NOS1AP: variants seen among roughly 807,000 people sequenced by gnomAD.
The protein encoded by NOS1AP is carboxyl-terminal PDZ ligand of neuronal nitric oxide synthase protein.
A neutral mutation model predicts 56.2 loss-of-function variants in NOS1AP; 21 were observed. That is an observed-to-expected ratio of 0.37 (90% CI 0.26 to 0.54). The LOEUF is 0.54. Ranked by LOEUF, NOS1AP falls within the 20% of genes least tolerant of loss-of-function variation. NOS1AP has a pLI of 0.84. For missense variants in NOS1AP, 522 were observed against 657.8 expected (o/e 0.79, Z 2.26); for synonymous variants, 270 against 274.6 (o/e 0.98, Z 0.17).
chr1:162,128,766 ATC>A (rs66607755), intron 1 of NOS1AP, among the ~76,000 whole-genome samples: 14,908 of 152,196 alleles, frequency 0.098, 930 homozygotes, highest in South Asian at 0.24. Flanking sequence ...GGAAAAAAAA[ATC>A]TGTTTCACAT....
chr1:162,224,608 G>A (rs1281798336), intron 2 of NOS1AP, among the ~76,000 whole-genome samples: 2 of 152,178 alleles, frequency 1.3e-5, no homozygotes, highest in Admixed American at 6.5e-5. Context: ...CTGATGGAAA[G>A]CTTTACTTTA....
chr1:162,128,455 CA>C (rs1648586835), intron 1 of NOS1AP, among the ~76,000 whole-genome samples: 1 of 152,112 alleles, frequency 6.6e-6, no homozygotes, highest in Non-Finnish European at 1.5e-5. Flanking sequence ...ATTCTAATCA[CA>C]AAGTATTCAT....
intron 1 of NOS1AP, among the ~76,000 whole-genome samples, chr1:162,108,559 A>C (rs377067817): frequency 6.6e-6 from 1 of 152,232 alleles, no homozygotes; most frequent in Non-Finnish European, 1.5e-5. Context: ...AAAAGTAGCT[A>C]CAGGAGAGAT....
At chr1:162,235,788 T>C (rs1653272119) in intron 2 of NOS1AP, among the ~76,000 whole-genome samples, 1 of 152,234 alleles carries the variant, frequency 6.6e-6, no homozygotes, top group South Asian at 2.1e-4. Context: ...CAAGGAGCAC[T>C]TGCCTGACTC....
chr1:162,241,121 A>T (rs1365923380), intron 2 of NOS1AP, among the ~76,000 whole-genome samples: 1 of 152,098 alleles, frequency 6.6e-6, no homozygotes, highest in African/African-American at 2.4e-5. Flanking sequence ...AAAGGCACCT[A>T]CTCTGGATTT....
chr1:162,314,891 C>T (rs1656181287), intron 4 of NOS1AP, among the ~76,000 whole-genome samples: 1 of 152,182 alleles, frequency 6.6e-6, no homozygotes, highest in South Asian at 2.1e-4. Flanking sequence ...GGCTCTTCTA[C>T]TGCTCAAGTA....
intron 1 of NOS1AP, among the ~76,000 whole-genome samples, chr1:162,126,272 T>C (rs1321230391): frequency 6.6e-6 from 1 of 152,192 alleles, no homozygotes; most frequent in Admixed American, 6.5e-5. Flanking sequence ...CCTTTATTTC[T>C]TTCTCTTGCC....
At chr1:162,222,870 A>G (rs1652826586) in intron 2 of NOS1AP, among the ~76,000 whole-genome samples, 1 of 152,240 alleles carries the variant, frequency 6.6e-6, no homozygotes, top group African/African-American at 2.4e-5. Context: ...GGGTGAGGTT[A>G]AGATCACGTG....
chr1:162,355,539 G>A (rs1047786755), intron 7 of NOS1AP, among the ~76,000 whole-genome samples, 186 bp downstream of exon 7: 4 of 152,308 alleles, frequency 2.6e-5, no homozygotes, highest in Admixed American at 2.0e-4. Context: ...AGATGCTGCT[G>A]CAGGCCAGGA....
chr1:162,113,311 C>T (rs891628824), intron 1 of NOS1AP, among the ~76,000 whole-genome samples: 7 of 152,112 alleles, frequency 4.6e-5, no homozygotes, highest in Non-Finnish European at 8.8e-5. Context: ...GTTGTTAGGA[C>T]GTCCACACCT....
intron 2 of NOS1AP, among the ~76,000 whole-genome samples, chr1:162,230,571 C>T (rs1270514939): frequency 6.6e-6 from 1 of 152,204 alleles, no homozygotes; most frequent in Non-Finnish European, 1.5e-5. Context: ...AGGTACAGTT[C>T]AGTAGTTGTG....
intron 2 of NOS1AP, among the ~76,000 whole-genome samples, chr1:162,246,001 G>A (rs1653648611): frequency 1.3e-5 from 2 of 152,190 alleles, no homozygotes; most frequent in Admixed American, 1.3e-4. Context: ...GGTGTCATTG[G>A]TTACTATTGA....
At chr1:162,289,214 T>TTCCTTCCTTCCA in intron 3 of NOS1AP, among the ~76,000 whole-genome samples, 1 of 15,384 alleles carries the variant, frequency 6.5e-5, no homozygotes, top group Non-Finnish European at 1.5e-4. Flanking sequence ...CTTCCTTTCC[T>TTCCTTCCTTCCA]TCCTTCCTTC....
intron 1 of NOS1AP, among the ~76,000 whole-genome samples, chr1:162,131,112 C>T (rs186727608): frequency 9.2e-5 from 14 of 152,194 alleles, no homozygotes; most frequent in African/African-American, 3.4e-4. Flanking sequence ...AAAAGCATGA[C>T]CCTTTAGAAC....
intron 2 of NOS1AP, among the ~76,000 whole-genome samples, chr1:162,218,756 C>G (rs1255851766): frequency 6.6e-6 from 1 of 152,128 alleles, no homozygotes; most frequent in Non-Finnish European, 1.5e-5. Flanking sequence ...TCCCGGGCAC[C>G]CTGTCCCTTC....
At chr1:162,315,396 T>C (rs1656197306) in intron 4 of NOS1AP, among the ~76,000 whole-genome samples, 1 of 152,230 alleles carries the variant, frequency 6.6e-6, no homozygotes, top group South Asian at 2.1e-4. Context: ...TGCCCTGTCC[T>C]CTGGCCTGAC....
chr1:162,165,408 G>A (rs1650439683), intron 2 of NOS1AP, among the ~76,000 whole-genome samples: 1 of 152,206 alleles, frequency 6.6e-6, no homozygotes, highest in South Asian at 2.1e-4. Flanking sequence ...ACTATGTGCT[G>A]TTACTGTGTC....
At chr1:162,327,070 A>G (rs1656615751) in intron 4 of NOS1AP, among the ~76,000 whole-genome samples, 1 of 152,174 alleles carries the variant, frequency 6.6e-6, no homozygotes, top group Non-Finnish European at 1.5e-5. Flanking sequence ...GAGAACTGAA[A>G]CCCTGAATGC....
At chr1:162,226,906 G>A (rs918140372) in intron 2 of NOS1AP, among the ~76,000 whole-genome samples, 2 of 147,440 alleles carry the variant, frequency 1.4e-5, no homozygotes, top group Middle Eastern at 3.2e-3. Context: ...TTCTTTCTCA[G>A]TATACTAGTG....
Sources: gnomAD v4.1 joint callset for allele counts (sites outside exome capture counted in the v4.1 genomes callset) on GRCh38, gnomAD v4.1.1 for gene constraint, MANE v1.5 for transcripts, NCBI Gene and HGNC (gene_info 2026-07-23, HGNC 2026-07-21) for gene names.